KSR2: variants seen among roughly 807,000 people sequenced by gnomAD.
The protein encoded by KSR2 is kinase suppressor of ras 2.
A neutral mutation model predicts 107.8 loss-of-function variants in KSR2; 25 were observed. The ratio of observed to expected loss-of-function variants is 0.23; its 90% CI spans 0.17 to 0.32. KSR2 has a LOEUF of 0.32. Ranked by LOEUF, KSR2 falls within the 10% of genes least tolerant of loss-of-function variation. The probability of loss-of-function intolerance (pLI) is 1.00; values close to 1 mark genes in which losing one functional copy is unlikely to be tolerated. For synonymous variants in KSR2, 480 were observed against 507.0 expected (o/e 0.95, Z 0.71); for missense variants, 887 against 1,268.9 (o/e 0.70, Z 4.57).
At chr12:117,611,781 C>G (rs572712737) in intron 5 of KSR2, among the ~76,000 whole-genome samples, 34 of 152,228 alleles carry the variant, frequency 2.2e-4, no homozygotes, top group African/African-American at 7.9e-4. Context: ...GTGATTTCAG[C>G]CCTAAAAAGA....
At chr12:117,872,202 C>A (rs888755796) in intron 1 of KSR2, among the ~76,000 whole-genome samples, 1 of 152,158 alleles carries the variant, frequency 6.6e-6, no homozygotes, top group Non-Finnish European at 1.5e-5. Flanking sequence ...AACAGAGAAC[C>A]ACAGGGTTTA....
At chr12:117,612,127 A>G (rs1051546708) in intron 5 of KSR2, among the ~76,000 whole-genome samples, 3 of 152,198 alleles carry the variant, frequency 2.0e-5, no homozygotes, top group African/African-American at 7.2e-5. Context: ...TATCTCATCC[A>G]GGCGCAGTGG....
chr12:117,475,241 G>GAAGATGAAATGAAAA (rs1871702818), intron 17 of KSR2, among the ~76,000 whole-genome samples: 1 of 152,034 alleles, frequency 6.6e-6, no homozygotes, highest in African/African-American at 2.4e-5. Context: ...GCTCCTTAGT[G>GAAGATGAAATGAAAA]CACTGAAGAT....
chr12:117,630,887 C>A (rs931989996), intron 5 of KSR2, among the ~76,000 whole-genome samples: 2 of 152,102 alleles, frequency 1.3e-5, no homozygotes, highest in South Asian at 2.1e-4. Context: ...TGATAAAGGA[C>A]AATGGTACTG....
chr12:117,921,395 A>G (rs1389487435), intron 1 of KSR2, among the ~76,000 whole-genome samples: 1 of 152,042 alleles, frequency 6.6e-6, no homozygotes, highest in Non-Finnish European at 1.5e-5. Flanking sequence ...ACACAGTGAG[A>G]TCTTATTATA....
At chr12:117,792,224 C>G (rs1285260586) in intron 3 of KSR2, among the ~76,000 whole-genome samples, 1 of 152,038 alleles carries the variant, frequency 6.6e-6, no homozygotes, top group African/African-American at 2.4e-5. Flanking sequence ...GTGTGCCTGT[C>G]CTGTAGTCCA....
At chr12:117,503,661 A>C (rs1873512321) in intron 14 of KSR2, among the ~76,000 whole-genome samples, 1 of 152,222 alleles carries the variant, frequency 6.6e-6, no homozygotes, top group South Asian at 2.1e-4. Flanking sequence ...AAATGTTCAC[A>C]GAGATTTTAG....
intron 1 of KSR2, among the ~76,000 whole-genome samples, chr12:117,873,214 G>T (rs531052832): frequency 1.3e-5 from 2 of 151,812 alleles, no homozygotes; most frequent in Non-Finnish European, 2.9e-5. Flanking sequence ...GCATGGTGGC[G>T]CATGCCTGTA....
At chr12:117,525,295 C>T (rs527831432) in intron 13 of KSR2, 76 bp from the exon 14 acceptor site, 20 of 1,451,100 alleles carry the variant, frequency 1.4e-5, no homozygotes, top group Middle Eastern at 1.9e-4. Context: ...TGCTGGGTCC[C>T]GTGCACATGC....
At chr12:117,859,148 T>A (rs1356056864) in intron 2 of KSR2, among the ~76,000 whole-genome samples, 1 of 146,728 alleles carries the variant, frequency 6.8e-6, no homozygotes. Context: ...ACTTTTTTTT[T>A]TTTTTTTTTT....
intron 5 of KSR2, among the ~76,000 whole-genome samples, chr12:117,595,104 G>T (rs1184179471): frequency 1.3e-5 from 2 of 152,144 alleles, no homozygotes; most frequent in East Asian, 3.9e-4. Flanking sequence ...CCATCCAGGG[G>T]ACAGAGCTCT....
At chr12:117,499,903 G>C (rs1007121490) in intron 14 of KSR2, among the ~76,000 whole-genome samples, 9 of 152,228 alleles carry the variant, frequency 5.9e-5, no homozygotes, top group African/African-American at 2.2e-4. Context: ...AGGAAGGGAG[G>C]CTGAGGACAC....
At chr12:117,668,204 A>C (rs1446839115) in intron 4 of KSR2, among the ~76,000 whole-genome samples, 1 of 152,212 alleles carries the variant, frequency 6.6e-6, no homozygotes, top group African/African-American at 2.4e-5. Context: ...GACTTTCAAG[A>C]GATCTAAGTA....
intron 17 of KSR2, 66 bp downstream of exon 17, chr12:117,476,398 A>G: frequency 1.3e-6 from 2 of 1,482,802 alleles, no homozygotes. Flanking sequence ...AAAAGCACTG[A>G]AAGACTTGAG....
At chr12:117,869,156 G>A (rs1893573093) in intron 1 of KSR2, among the ~76,000 whole-genome samples, 1 of 152,082 alleles carries the variant, frequency 6.6e-6, no homozygotes, top group Non-Finnish European at 1.5e-5. Context: ...TGGATCACCT[G>A]AGGTCAGGAG....
At chr12:117,560,346 C>T (rs888309700) in intron 7 of KSR2, among the ~76,000 whole-genome samples, 3 of 152,008 alleles carry the variant, frequency 2.0e-5, no homozygotes, top group Non-Finnish European at 4.4e-5. Context: ...CTTGTTTGGT[C>T]TTTCATGGCT....
intron 1 of KSR2, among the ~76,000 whole-genome samples, chr12:117,883,221 C>T (rs769981162): frequency 3.3e-5 from 5 of 152,240 alleles, no homozygotes; most frequent in African/African-American, 4.8e-5. Context: ...AATTACATCA[C>T]ATCAGGCATA....
At chr12:117,938,016 C>T (rs1895898360) in intron 1 of KSR2, among the ~76,000 whole-genome samples, 1 of 151,438 alleles carries the variant, frequency 6.6e-6, no homozygotes, top group Admixed American at 6.6e-5. Context: ...TAGACTCCTC[C>T]CATGTTGGAC....
intron 4 of KSR2, among the ~76,000 whole-genome samples, chr12:117,710,276 G>A (rs924653828): frequency 6.6e-6 from 1 of 152,122 alleles, no homozygotes; most frequent in Non-Finnish European, 1.5e-5. Flanking sequence ...GACATAGAAG[G>A]CCTCGAGGGC....
Sources: gnomAD v4.1 joint callset for allele counts (sites outside exome capture counted in the v4.1 genomes callset) on GRCh38, gnomAD v4.1.1 for gene constraint, MANE v1.5 for transcripts, NCBI Gene and HGNC (gene_info 2026-07-23, HGNC 2026-07-21) for gene names.